The following DUS2 variants were observed in gnomAD, a reference collection of about 807,000 sequenced individuals.
The protein encoded by DUS2 is tRNA-dihydrouridine(20) synthase [NAD(P)+]-like.
In DUS2, 52 loss-of-function variants were observed where a neutral mutation model predicts 71.3. The ratio of observed to expected loss-of-function variants is 0.73; its 90% CI spans 0.58 to 0.92. The LOEUF is 0.92. Ranked by LOEUF, DUS2 falls within the 40% of genes least tolerant of loss-of-function variation. The pLI is 0.00. For synonymous variants in DUS2, 204 were observed against 227.8 expected, an observed-to-expected ratio of 0.90 and a Z score of 0.94; for missense variants, 558 against 622.6, an observed-to-expected ratio of 0.90 and a Z score of 1.10.
chr16:68,078,213 G>T (rs1422154121), intron 15 of DUS2: 1 of 565,098 alleles, frequency 1.8e-6, no homozygotes. Flanking sequence ...TGCAGCTAAG[G>T]GCTCTGCTGC....
At chr16:68,070,328 A>T in intron 11 of DUS2, 108 bp downstream of exon 11, 1 of 1,014,202 alleles carries the variant, frequency 9.9e-7, no homozygotes, top group Non-Finnish European at 1.5e-6. Context: ...GTGGCTTGAA[A>T]AGGGCAGGGC....
chr16:68,034,487 G>A (rs932918926), intron 2 of DUS2, among the ~76,000 whole-genome samples: 1 of 151,998 alleles, frequency 6.6e-6, no homozygotes, highest in Non-Finnish European at 1.5e-5. Context: ...CAAGTAACCG[G>A]GACTATAGGC....
At chr16:68,038,446 G>A (rs1177861251) in intron 3 of DUS2, among the ~76,000 whole-genome samples, 1 of 151,980 alleles carries the variant, frequency 6.6e-6, no homozygotes, top group Non-Finnish European at 1.5e-5. Context: ...AAAAATAAAA[G>A]AGGCCTGGCA....
intron 15 of DUS2, chr16:68,078,125 C>T (rs1167712962): frequency 2.6e-6 from 1 of 382,356 alleles, no homozygotes; most frequent in Non-Finnish European, 4.9e-6. Flanking sequence ...TGTCCCTTCT[C>T]ACCCTTTTGG....
At chr16:68,058,383 C>A (rs929526944) in intron 7 of DUS2, among the ~76,000 whole-genome samples, 1 of 151,946 alleles carries the variant, frequency 6.6e-6, no homozygotes, top group African/African-American at 2.4e-5. Context: ...CGCCACCACA[C>A]CCAACTAATT....
At chr16:68,070,649 T>A (rs989363990) in intron 11 of DUS2, among the ~76,000 whole-genome samples, 3 of 152,136 alleles carry the variant, frequency 2.0e-5, no homozygotes. Flanking sequence ...TGGACCCATG[T>A]CTCCAGATGT....
chr16:68,070,972 C>T lies in DUS2; in HGVS notation c.674C>T (p.Ser225Leu), dbSNP rs764857653. 3.5e-5 allele frequency: 56 copies of T among 1,614,044 alleles called. No homozygotes were observed. Among genetic ancestry groups the T allele is most frequent in the Non-Finnish European group, 4.4e-5 (52 of 1,180,046 alleles). Reference protein sequence around the residue: ...GGSHDHIQQYSDIEDFRQATA... With the variant: ...GGSHDHIQQYLDIEDFRQATA... ...TCTCATGACCACATCCAACAGTATT[C>T]GGACATAGAGGACTTTCGACAAGCC... Residue 225 changes from serine (S) to leucine (L), a missense_variant, in exon 12 of 17, where the codon TCG becomes TTG. Physicochemically the swap from Ser to Leu is moderately radical, Grantham distance 145. Transcript: ENST00000565263.
chr16:68,060,804 C>T (rs1462376831), intron 7 of DUS2, among the ~76,000 whole-genome samples: 1 of 151,836 alleles, frequency 6.6e-6, no homozygotes, highest in Non-Finnish European at 1.5e-5. Context: ...GCCGAGATTG[C>T]GCCACTGCAC....
At chr16:68,058,042 T>C (rs541923928) in intron 7 of DUS2, among the ~76,000 whole-genome samples, 1 of 152,130 alleles carries the variant, frequency 6.6e-6, no homozygotes, top group African/African-American at 2.4e-5. Flanking sequence ...TAGGACCCTG[T>C]AAGCAGAGGG....
chr16:68,057,162 A>G (rs918216530), intron 7 of DUS2, among the ~76,000 whole-genome samples: 8 of 142,144 alleles, frequency 5.6e-5, no homozygotes, highest in Non-Finnish European at 1.2e-4. Flanking sequence ...TAATATATGT[A>G]GTATATAAAA....
Position 68,056,381 on chromosome 16 carries a change from G to A in DUS2, c.326G>A (p.Gly109Asp), listed in dbSNP as rs144136215. Residue 109 changes from glycine (G) to aspartate (D), a missense_variant, in exon 7 of 17, where the codon GGT becomes GAT. Transcript: ENST00000565263. ...TTTTCCAGAGAAAATGATGTGGCTG[G>A]TATTGATGTCAACATGGGCTGTCCA... ...VARLVENDVA[G>D]IDVNMGCPKQ... 2.1e-5 allele frequency: 34 copies of A among 1,613,528 alleles called. No homozygotes were observed. The highest frequency in any genetic ancestry group is 2.8e-5 in the Non-Finnish European group (33 of 1,179,836).
intron 3 of DUS2, among the ~76,000 whole-genome samples, chr16:68,044,665 T>C (rs943818901): frequency 2.0e-5 from 3 of 152,152 alleles, no homozygotes; most frequent in African/African-American, 7.2e-5. Flanking sequence ...CCCAAAGTGC[T>C]GGTATTAAAA....
intron 2 of DUS2, among the ~76,000 whole-genome samples, chr16:68,033,908 A>G (rs2033478301): frequency 1.3e-5 from 2 of 152,000 alleles, no homozygotes; most frequent in African/African-American, 4.8e-5. Flanking sequence ...CTAGGATTAC[A>G]GACATGAACC....
At chr16:68,055,809 A>G (rs1045783317) in intron 6 of DUS2, among the ~76,000 whole-genome samples, 2 of 144,458 alleles carry the variant, frequency 1.4e-5, no homozygotes, top group African/African-American at 5.0e-5. Flanking sequence ...TTGGTGCAAA[A>G]GTAATTGCGG....
At chr16:68,063,847 T>C (rs1265744233) in intron 8 of DUS2, among the ~76,000 whole-genome samples, 1 of 152,132 alleles carries the variant, frequency 6.6e-6, no homozygotes, top group Non-Finnish European at 1.5e-5. Context: ...CCTCAGCCTC[T>C]GAATAGCTGA....
At chr16:68,055,000 G>A (rs552645073) in intron 6 of DUS2, among the ~76,000 whole-genome samples, 118 of 151,952 alleles carry the variant, frequency 7.8e-4, no homozygotes, top group African/African-American at 2.8e-3. Flanking sequence ...CCGAGATTGC[G>A]CCATTGCACT....
At chr16:68,049,627 G>T (rs2033751956) in intron 4 of DUS2, 77 bp downstream of exon 4, 1 of 1,381,808 alleles carries the variant, frequency 7.2e-7, no homozygotes, top group Non-Finnish European at 1.0e-6. Flanking sequence ...CCTTGCCTGG[G>T]GTGACAGTGT....
intron 6 of DUS2, among the ~76,000 whole-genome samples, chr16:68,055,129 A>G (rs1283057895): frequency 1.3e-5 from 2 of 152,142 alleles, no homozygotes; most frequent in East Asian, 3.8e-4. Context: ...CCTAGATCTC[A>G]GAGACCCTCT....
chr16:68,052,244 A>C (rs983239477), intron 4 of DUS2, among the ~76,000 whole-genome samples: 1 of 152,156 alleles, frequency 6.6e-6, no homozygotes, highest in East Asian at 1.9e-4. Flanking sequence ...ACCAACAAAA[A>C]GCATAGACAT....
Sources: allele counts gnomAD v4.1 joint callset (sites outside exome capture counted in the v4.1 genomes callset), GRCh38; gene constraint gnomAD v4.1.1; transcripts MANE v1.5; gene names NCBI Gene and HGNC (gene_info 2026-07-23, HGNC 2026-07-21).